Variants in PDE1C observed in about 807,000 individuals in gnomAD.
PDE1C encodes dual specificity calcium/calmodulin-dependent 3',5'-cyclic nucleotide phosphodiesterase 1C.
PDE1C carries 62 observed loss-of-function variants against 93.1 expected under a neutral mutation model. That is an observed-to-expected ratio of 0.67 (90% CI 0.54 to 0.82). PDE1C has a LOEUF of 0.82. Among genes scored for constraint, PDE1C ranks in the 40% least tolerant of loss-of-function variants. The pLI is 0.00. For synonymous variants in PDE1C, 325 were observed against 310.1 expected, an observed-to-expected ratio of 1.05 and a Z score of -0.50; for missense variants, 742 against 884.6, an observed-to-expected ratio of 0.84 and a Z score of 2.04.
chr7:31,617,945 T>C, the PDE1C span, among the ~76,000 whole-genome samples: 1 of 152,038 alleles, frequency 6.6e-6, no homozygotes, highest in African/African-American at 2.4e-5. Flanking sequence ...GTAAAGAAAA[T>C]GGTAGGAAAT....
At chr7:32,319,229 G>A (rs1051873244) in intron 1 of PDE1C, among the ~76,000 whole-genome samples, 4 of 152,214 alleles carry the variant, frequency 2.6e-5, no homozygotes, top group African/African-American at 9.6e-5. Flanking sequence ...GACCGTTTTC[G>A]GACACTTCAC....
At chr7:32,044,704 A>G (rs1191554248) in intron 2 of PDE1C, among the ~76,000 whole-genome samples, 1 of 152,174 alleles carries the variant, frequency 6.6e-6, no homozygotes, top group African/African-American at 2.4e-5. Flanking sequence ...TCATGGGCAA[A>G]GAGGAAGAAT....
chr7:32,284,093 T>C lies in PDE1C; in HGVS notation c.85+14558A>G, dbSNP rs568091104. On this transcript the variant is annotated intron_variant, in intron 1 of 18. Transcript: ENST00000396193. ...TGCATCCTCCTAGAACATTTAAATA[T>C]TGTAATTTCCATTAGAGAAAATCTA... Among the ~76,000 whole-genome samples, 3 of 152,312 alleles carry C rather than the reference T, an allele frequency of 2.0e-5. No homozygotes were observed. The South Asian group carries it at 6.2e-4, about 32-fold the overall frequency.
intron 7 of PDE1C, among the ~76,000 whole-genome samples, chr7:31,860,314 A>T (rs560433725): frequency 1.3e-5 from 2 of 152,158 alleles, no homozygotes; most frequent in African/African-American, 4.8e-5. Context: ...ATACTGCTAC[A>T]CTACAATGCA....
chr7:31,789,903 G>A, intron 16 of PDE1C: 1 of 1,110,268 alleles, frequency 9.0e-7, no homozygotes, highest in South Asian at 3.6e-5. Context: ...ATTCTCATCA[G>A]GCCAGACAGA....
chr7:32,295,734 A>G (rs1812577187), intron 1 of PDE1C, among the ~76,000 whole-genome samples: 1 of 152,012 alleles, frequency 6.6e-6, no homozygotes, highest in Non-Finnish European at 1.5e-5. Flanking sequence ...TACTAAAAAT[A>G]CAAAAAAAAA....
chr7:32,426,838 T>C (rs1390791324), intron 1 of PDE1C, among the ~76,000 whole-genome samples: 1 of 152,080 alleles, frequency 6.6e-6, no homozygotes, highest in Non-Finnish European at 1.5e-5. Context: ...TGTAAGCCAG[T>C]CCCCCTCACT....
At chr7:32,364,127 T>C (rs1784187020) in intron 1 of PDE1C, among the ~76,000 whole-genome samples, 1 of 152,156 alleles carries the variant, frequency 6.6e-6, no homozygotes, top group Non-Finnish European at 1.5e-5. Flanking sequence ...GGAGTGTGGG[T>C]CTCCTGGATG....
chr7:31,697,616 C>T, the PDE1C span, among the ~76,000 whole-genome samples: 1 of 151,926 alleles, frequency 6.6e-6, no homozygotes, highest in African/African-American at 2.4e-5. Flanking sequence ...AAAGGAGCTG[C>T]TCTGTGAGAT....
Position 31,826,233 on chromosome 7 carries a change from C to G in PDE1C, c.1286-1246G>C, listed in dbSNP as rs537715923. On this transcript the variant is annotated intron_variant, in intron 12 of 17. Transcript: ENST00000396191. ...TGTATGAATGCATATTTAGTTTTCA[C>G]AATGGCCCAGGTAGAGGTAAAGCTG... 2.6e-5 allele frequency among the ~76,000 whole-genome samples: 4 copies of G among 152,238 alleles called. No individual in the cohort carries two copies. In the East Asian group the frequency reaches 7.7e-4, roughly 29 times the overall value.
intron 16 of PDE1C, among the ~76,000 whole-genome samples, chr7:31,805,937 AG>A (rs761283075): frequency 6.6e-6 from 1 of 151,902 alleles, no homozygotes; most frequent in South Asian, 2.1e-4. Context: ...TATCTTAAAA[AG>A]CACTCTTCCA....
At chr7:32,023,826 T>G (rs1052665048) in intron 2 of PDE1C, among the ~76,000 whole-genome samples, 1 of 152,060 alleles carries the variant, frequency 6.6e-6, no homozygotes, top group African/African-American at 2.4e-5. Flanking sequence ...AGAGAGGCTG[T>G]TGATTGTGGA....
At chr7:31,666,985 T>G in the PDE1C span, among the ~76,000 whole-genome samples, 7 of 152,188 alleles carry the variant, frequency 4.6e-5, no homozygotes, top group African/African-American at 9.6e-5. Context: ...TGCCATTCAT[T>G]GAAACAACAG....
chr7:31,702,873 A>G, the PDE1C span, among the ~76,000 whole-genome samples: 1 of 152,206 alleles, frequency 6.6e-6, no homozygotes, highest in African/African-American at 2.4e-5. Context: ...TCGTGCTTGT[A>G]TCTGTTTTTA....
intron 2 of PDE1C, among the ~76,000 whole-genome samples, chr7:31,978,952 T>A (rs183449222): frequency 6.6e-6 from 1 of 152,292 alleles, no homozygotes; most frequent in African/African-American, 2.4e-5. Context: ...AAATTCCTCT[T>A]GAAATATATG....
chr7:32,398,471 C>A (rs1292230609), intron 1 of PDE1C, among the ~76,000 whole-genome samples: 1 of 151,672 alleles, frequency 6.6e-6, no homozygotes, highest in Non-Finnish European at 1.5e-5. Context: ...TGGCCACAAC[C>A]TCCACTACCT....
the PDE1C span, among the ~76,000 whole-genome samples, chr7:31,662,607 G>A: frequency 2.0e-5 from 3 of 152,150 alleles, no homozygotes; most frequent in East Asian, 1.9e-4. Flanking sequence ...TTGTGTAGAC[G>A]TATGTGACTG....
chr7:31,712,142 T>A, the PDE1C span, among the ~76,000 whole-genome samples: 12 of 152,244 alleles, frequency 7.9e-5, no homozygotes, highest in African/African-American at 2.9e-4. Context: ...TCCATTTGTA[T>A]AACTGATTAG....
intron 2 of PDE1C, among the ~76,000 whole-genome samples, chr7:31,988,996 A>G: frequency 1.5e-5 from 1 of 66,564 alleles, no homozygotes; most frequent in East Asian, 4.1e-4. Context: ...ACTTCTTCTC[A>G]AAAAAAAAAA....
Sources: gnomAD v4.1 joint callset for allele counts (sites outside exome capture counted in the v4.1 genomes callset) on GRCh38, gnomAD v4.1.1 for gene constraint, MANE v1.5 for transcripts, NCBI Gene and HGNC (gene_info 2026-07-23, HGNC 2026-07-21) for gene names.